Variants in PCDHA2 observed in about 807,000 individuals in gnomAD.
PCDHA2 encodes the protein protocadherin alpha 2.
PCDHA2 carries 58 observed loss-of-function variants against 66.0 expected under a neutral mutation model. The observed-to-expected ratio is 0.88, with a 90% CI of 0.71 to 1.09. The LOEUF (loss-of-function observed/expected upper bound fraction) is 1.09. Among genes scored for constraint, PCDHA2 ranks in the 50% least tolerant of loss-of-function variants. PCDHA2 has a pLI of 0.00. For synonymous variants in PCDHA2, 634 were observed against 554.0 expected (o/e 1.14, Z -2.03); for missense variants, 1,267 against 1,242.3 (o/e 1.02, Z -0.30).
intron 1 of PCDHA2, among the ~76,000 whole-genome samples, chr5:140,951,019 G>A (rs555662052): frequency 2.0e-5 from 3 of 152,114 alleles, no homozygotes; most frequent in African/African-American, 7.2e-5. Context: ...ATCAGGCAGT[G>A]AGTTTTAATT....
chr5:140,972,947 C>T (rs1287629621), intron 1 of PCDHA2, among the ~76,000 whole-genome samples: 1 of 152,096 alleles, frequency 6.6e-6, no homozygotes, highest in African/African-American at 2.4e-5. Context: ...CAGATGTGAG[C>T]CACCATGCCC....
At chr5:140,844,920 G>A (rs1554140772) in intron 1 of PCDHA2, among the ~76,000 whole-genome samples, 1 of 149,212 alleles carries the variant, frequency 6.7e-6, no homozygotes, top group Non-Finnish European at 1.5e-5. Context: ...AGAAATTGAT[G>A]GAAGGGAATG....
Position 140,809,392 on chromosome 5 carries a change from C to T in PCDHA2, c.2388+12040C>T, listed in dbSNP as rs782047510. The T allele has an allele frequency of 2.5e-6, 4 of 1,614,100 alleles. No homozygotes were observed. The South Asian group carries it at 4.4e-5, about 18-fold the overall frequency. ...CCACCGAGGGCGCGTGCGCTCCGGG[C>T]AAGCCCACGCTGGTGTGCTCCAGTG... On this transcript the variant is annotated intron_variant, in intron 1 of 3. Transcript: ENST00000526136.
chr5:140,875,567 A>G (rs1389005721), intron 1 of PCDHA2: 14 of 1,613,986 alleles, frequency 8.7e-6, no homozygotes, highest in African/African-American at 2.7e-5. Context: ...GGCCAGCTCC[A>G]CTACTCCGTC....
intron 3 of PCDHA2, among the ~76,000 whole-genome samples, chr5:140,993,781 A>T (rs1587593339): frequency 6.6e-6 from 1 of 152,216 alleles, no homozygotes; most frequent in African/African-American, 2.4e-5. Flanking sequence ...TATTTTGTAC[A>T]GTAACATGCT....
At chr5:140,857,001 A>T in intron 1 of PCDHA2, 1 of 1,595,350 alleles carries the variant, frequency 6.3e-7, no homozygotes, top group Non-Finnish European at 8.6e-7. Flanking sequence ...TATGAAATTC[A>T]TGTAGATGTT....
At chr5:140,809,440 G>T (rs781955144) in intron 1 of PCDHA2, 7 of 1,614,098 alleles carry the variant, frequency 4.3e-6, no homozygotes, top group Non-Finnish European at 5.1e-6. Context: ...GGTCATACTC[G>T]CAGCAGAGGA....
intron 1 of PCDHA2, chr5:140,882,402 T>A (rs782437506): frequency 3.7e-6 from 6 of 1,614,052 alleles, no homozygotes; most frequent in South Asian, 1.1e-5. Flanking sequence ...GGCACCTTCG[T>A]GGGCCGCATC....
chr5:140,809,489 G>A (rs1554125251), intron 1 of PCDHA2: 1 of 1,614,246 alleles, frequency 6.2e-7, no homozygotes, highest in East Asian at 2.2e-5. Context: ...ACCCAAGACC[G>A]ACCTCATGGC....
At chr5:140,926,728 T>G in intron 1 of PCDHA2, 4 of 1,061,710 alleles carry the variant, frequency 3.8e-6, no homozygotes, top group Non-Finnish European at 5.0e-6. Flanking sequence ...AATGCCGGCG[T>G]TCGGGAGGCG....
chr5:140,987,882 T>G (rs942974119), intron 3 of PCDHA2, among the ~76,000 whole-genome samples: 2 of 152,158 alleles, frequency 1.3e-5, no homozygotes, highest in Non-Finnish European at 2.9e-5. Flanking sequence ...ATGGACAGTT[T>G]ATGTGCCCTA....
intron 1 of PCDHA2, chr5:140,862,483 G>A (rs1433222220): frequency 1.6e-5 from 6 of 382,112 alleles, no homozygotes; most frequent in Non-Finnish European, 2.6e-5. Context: ...ATCCATTGTT[G>A]GTAATCGCTC....
intron 3 of PCDHA2, among the ~76,000 whole-genome samples, chr5:141,007,302 G>A (rs1211833053): frequency 6.7e-6 from 1 of 150,298 alleles, no homozygotes; most frequent in Non-Finnish European, 1.5e-5. Context: ...TGTAATCTTA[G>A]CATTTTGGGA....
chr5:140,830,265 C>A, intron 1 of PCDHA2: 1 of 1,613,646 alleles, frequency 6.2e-7, no homozygotes, highest in East Asian at 2.2e-5. Flanking sequence ...CGGTGCTCGG[C>A]GCCACCCACC....
chr5:140,861,476 C>A, intron 1 of PCDHA2: 2 of 493,220 alleles, frequency 4.1e-6, no homozygotes, highest in Admixed American at 2.1e-5. Flanking sequence ...TGCAGAATGG[C>A]ATTTTTGTGA....
At chr5:140,941,321 T>C (rs1220701599) in intron 1 of PCDHA2, among the ~76,000 whole-genome samples, 5 of 62,540 alleles carry the variant, frequency 8.0e-5, no homozygotes, top group African/African-American at 2.0e-4. Context: ...TTCTTTCTCT[T>C]TTTTTTTTTT....
At chr5:140,942,863 T>A (rs1223265899) in intron 1 of PCDHA2, among the ~76,000 whole-genome samples, 2 of 152,126 alleles carry the variant, frequency 1.3e-5, no homozygotes, top group Non-Finnish European at 2.9e-5. Context: ...TTATTTTGCT[T>A]TAGCATGACA....
At chr5:140,805,979 A>C (rs138393072) in intron 1 of PCDHA2, among the ~76,000 whole-genome samples, 452 of 152,300 alleles carry the variant, frequency 3.0e-3, no homozygotes, top group African/African-American at 0.011. Flanking sequence ...TCCCTTTAAA[A>C]TATATATTCC....
chr5:140,991,707 A>G (rs1436655429), intron 3 of PCDHA2, among the ~76,000 whole-genome samples: 1 of 152,158 alleles, frequency 6.6e-6, no homozygotes, highest in Non-Finnish European at 1.5e-5. Flanking sequence ...TAATATGCAT[A>G]TTGCTACTAG....
Sources: allele counts gnomAD v4.1 joint callset (sites outside exome capture counted in the v4.1 genomes callset), GRCh38; gene constraint gnomAD v4.1.1; transcripts MANE v1.5; gene names NCBI Gene and HGNC (gene_info 2026-07-23, HGNC 2026-07-21).